KCNMB2: variants seen among roughly 807,000 people sequenced by gnomAD.
The protein encoded by KCNMB2 is potassium calcium-activated channel subfamily M regulatory beta subunit 2.
A neutral mutation model predicts 24.5 loss-of-function variants in KCNMB2; 9 were observed. The observed-to-expected ratio is 0.37, with a 90% CI of 0.22 to 0.64. KCNMB2 has a LOEUF of 0.64. KCNMB2 is among the 30% of genes least tolerant of loss of function. KCNMB2 has a pLI of 0.63. For missense variants in KCNMB2, 226 were observed against 284.3 expected (o/e 0.79, Z 1.47); for synonymous variants, 109 against 104.4 (o/e 1.04, Z -0.27).
At chr3:178,817,453 C>G (rs1172976908) in intron 2 of KCNMB2, among the ~76,000 whole-genome samples, 1 of 152,006 alleles carries the variant, frequency 6.6e-6, no homozygotes, top group African/African-American at 2.4e-5. Flanking sequence ...CTGTGGTGGA[C>G]AGAAGGCAGA....
At chr3:178,807,322 T>G in intron 1 of KCNMB2, 21 bp from the exon 2 acceptor site, 1 of 1,072,802 alleles carries the variant, frequency 9.3e-7, no homozygotes, top group Non-Finnish European at 1.4e-6. Flanking sequence ...TGCTGTTAAC[T>G]TCATTGTGTA....
At chr3:178,668,943 C>T (rs530160688) in intron 1 of KCNMB2, among the ~76,000 whole-genome samples, 1 of 152,252 alleles carries the variant, frequency 6.6e-6, no homozygotes, top group African/African-American at 2.4e-5. Flanking sequence ...AGTAATGAAG[C>T]TCTCATCTCT....
At chr3:178,830,530 C>T (rs1252437286) in intron 4 of KCNMB2, among the ~76,000 whole-genome samples, 1 of 152,058 alleles carries the variant, frequency 6.6e-6, no homozygotes, top group African/African-American at 2.4e-5. Context: ...GTAGATAATG[C>T]CAAGTAGTTT....
chr3:178,648,238 G>A (rs529309109), intron 1 of KCNMB2, among the ~76,000 whole-genome samples: 1 of 152,064 alleles, frequency 6.6e-6, no homozygotes, highest in South Asian at 2.1e-4. Flanking sequence ...AAAATATTAT[G>A]TCATAAATAA....
chr3:178,800,432 A>G (rs1713730182), intron 1 of KCNMB2, among the ~76,000 whole-genome samples: 1 of 152,168 alleles, frequency 6.6e-6, no homozygotes, highest in South Asian at 2.1e-4. Flanking sequence ...AAGGTGCTCA[A>G]CATCATTGGT....
intron 2 of KCNMB2, among the ~76,000 whole-genome samples, chr3:178,812,394 C>G (rs1264388068): frequency 1.6e-5 from 2 of 123,888 alleles, no homozygotes; most frequent in Admixed American, 1.8e-4. Flanking sequence ...CCCCTCCCCC[C>G]ACCCCACAAC....
chr3:178,556,653 C>T (rs1170832432), intron 1 of KCNMB2, among the ~76,000 whole-genome samples: 2 of 152,166 alleles, frequency 1.3e-5, no homozygotes, highest in African/African-American at 4.8e-5. Context: ...GATCCACCCA[C>T]CTCGGCCTCC....
chr3:178,749,941 A>AT lies in KCNMB2; in HGVS notation c.-67-57401dup, dbSNP rs1473383681. 2.0e-5 allele frequency among the ~76,000 whole-genome samples: 3 copies of AT among 152,340 alleles called. No individual in the cohort carries two copies. In the East Asian group the frequency reaches 5.8e-4, roughly 29 times the overall value. On this transcript the variant is annotated intron_variant, in intron 1 of 4. Transcript: ENST00000452583. ...TTTGGTTATGAGACCCAGAGTAACT[A>AT]TGTAAGATTGAAGACAGAGGCTCTT...
At chr3:178,569,286 C>T (rs1335591261) in intron 1 of KCNMB2, among the ~76,000 whole-genome samples, 2 of 152,132 alleles carry the variant, frequency 1.3e-5, no homozygotes, top group African/African-American at 4.8e-5. Flanking sequence ...CTGCTTAAAT[C>T]TGATTGGCCC....
intron 1 of KCNMB2, among the ~76,000 whole-genome samples, chr3:178,730,412 CACACA>C (rs1723110970): frequency 9.8e-6 from 1 of 101,740 alleles, no homozygotes; most frequent in African/African-American, 3.3e-5. Context: ...AACACCCCCC[CACACA>C]CACACACACA....
At chr3:178,799,289 T>A (rs896547391) in intron 1 of KCNMB2, among the ~76,000 whole-genome samples, 1 of 152,122 alleles carries the variant, frequency 6.6e-6, no homozygotes, top group Non-Finnish European at 1.5e-5. Flanking sequence ...ACCTAAAGAC[T>A]TCTCCAAAAA....
At chr3:178,592,012 GT>G (rs1717693132) in intron 1 of KCNMB2, among the ~76,000 whole-genome samples, 1 of 152,064 alleles carries the variant, frequency 6.6e-6, no homozygotes, top group Non-Finnish European at 1.5e-5. Context: ...CCTAGTGTCG[GT>G]TTTAGCCCAA....
intron 1 of KCNMB2, among the ~76,000 whole-genome samples, chr3:178,599,085 G>A (rs952006699): frequency 9.2e-5 from 14 of 152,146 alleles, no homozygotes; most frequent in Admixed American, 5.9e-4. Flanking sequence ...TCCAGCAGAT[G>A]TGTGGAGAGT....
Position 178,843,292 on chromosome 3 carries a change from A to T in KCNMB2, c.*355A>T, listed in dbSNP as rs1268534474. On this transcript the variant is annotated 3_prime_UTR_variant, in exon 5 of 5. Transcript: ENST00000452583. ...TAAAGTCTGTGTTCTGAGTTGTCAG[A>T]TCTCTTGAAGACAATATTTTTCATC... 2.2e-6 allele frequency: 1 copy of T among 455,204 alleles called. No individual in the cohort carries two copies. Among genetic ancestry groups the T allele is most frequent in the East Asian group, 6.8e-5 (1 of 14,762 alleles). 28.2% of individuals were successfully genotyped at this position (455,204 alleles called of 1,614,324 possible). A position where few individuals can be genotyped will look rare whatever the true frequency, so the allele number is the denominator to read the frequency against.
intron 1 of KCNMB2, among the ~76,000 whole-genome samples, chr3:178,784,002 AG>A (rs1712990721): frequency 1.3e-5 from 2 of 152,208 alleles, no homozygotes; most frequent in Admixed American, 6.6e-5. Context: ...TTTAGCATGA[AG>A]GGTTGTTGAA....
intron 1 of KCNMB2, among the ~76,000 whole-genome samples, chr3:178,600,900 A>C (rs1420576632): frequency 6.6e-6 from 1 of 152,174 alleles, no homozygotes; most frequent in Non-Finnish European, 1.5e-5. Context: ...GGTTGAACTA[A>C]TTTACACTCC....
At chr3:178,729,438 C>A (rs1723072027) in intron 1 of KCNMB2, 1 of 152,140 alleles carries the variant, frequency 6.6e-6, no homozygotes, top group Non-Finnish European at 1.5e-5. Context: ...TCATCCCTGT[C>A]TTCTCCTTCT....
At chr3:178,745,189 C>T (rs538967662) in intron 1 of KCNMB2, among the ~76,000 whole-genome samples, 35 of 152,190 alleles carry the variant, frequency 2.3e-4, no homozygotes, top group Admixed American at 1.4e-3. Context: ...ATACCCAAGA[C>T]GGGGCAATTT....
chr3:178,730,143 C>T (rs141252898), intron 1 of KCNMB2, among the ~76,000 whole-genome samples: 6 of 152,142 alleles, frequency 3.9e-5, no homozygotes, highest in Non-Finnish European at 8.8e-5. Context: ...AATTCTACCA[C>T]GTTCCAAGAA....
Sources: gnomAD v4.1 joint callset for allele counts (sites outside exome capture counted in the v4.1 genomes callset) on GRCh38, gnomAD v4.1.1 for gene constraint, MANE v1.5 for transcripts, NCBI Gene and HGNC (gene_info 2026-07-23, HGNC 2026-07-21) for gene names.